Variants in POU2F2 observed in about 807,000 individuals in gnomAD.
The protein encoded by POU2F2 is POU domain, class 2, transcription factor 2.
POU2F2 carries 14 observed loss-of-function variants against 63.5 expected under a neutral mutation model. That is an observed-to-expected ratio of 0.22 (90% CI 0.15 to 0.34). The LOEUF is 0.34. POU2F2 is among the 10% of genes least tolerant of loss of function. POU2F2 has a pLI of 1.00. For synonymous variants in POU2F2, 306 were observed against 348.6 expected (o/e 0.88, Z 1.36); for missense variants, 607 against 815.2 (o/e 0.74, Z 3.11).
intron 1 of POU2F2, among the ~76,000 whole-genome samples, chr19:42,187,364 C>T (rs892431190): frequency 6.7e-6 from 1 of 149,488 alleles, no homozygotes; most frequent in Admixed American, 6.8e-5. Context: ...ACTCAGGAGG[C>T]TGAAGCCGAA....
intron 5 of POU2F2, among the ~76,000 whole-genome samples, chr19:42,112,621 C>T (rs1314628388): frequency 2.6e-5 from 4 of 152,112 alleles, no homozygotes; most frequent in Admixed American, 1.3e-4. Context: ...CCGCCCACCT[C>T]GGCCTCCCAG....
chr19:42,177,783 AAC>A (rs1293349440), upstream of POU2F2, among the ~76,000 whole-genome samples: 3 of 151,972 alleles, frequency 2.0e-5, no homozygotes, highest in Non-Finnish European at 4.4e-5. Flanking sequence ...TCCAGAGACT[AAC>A]AGAGATACTC....
chr19:42,165,401 G>A (rs934154909), intron 1 of POU2F2, among the ~76,000 whole-genome samples: 2 of 152,208 alleles, frequency 1.3e-5, no homozygotes, highest in Admixed American at 6.5e-5. Flanking sequence ...GAGGGAAAAC[G>A]AAGACCCAGA....
At chr19:42,154,345 A>G (rs2034417759) in intron 2 of POU2F2, among the ~76,000 whole-genome samples, 3 of 152,040 alleles carry the variant, frequency 2.0e-5, no homozygotes, top group Admixed American at 2.0e-4. Flanking sequence ...GAGACAGAAG[A>G]TGAAAGAGAC....
intron 1 of POU2F2, among the ~76,000 whole-genome samples, chr19:42,130,986 C>G (rs1221476715): frequency 9.1e-6 from 1 of 109,814 alleles, no homozygotes; most frequent in African/African-American, 3.7e-5. Context: ...TCTGCCTGAG[C>G]CTCCCCAACC....
At chr19:42,168,335 T>C (rs558828649) in intron 1 of POU2F2, among the ~76,000 whole-genome samples, 2 of 152,330 alleles carry the variant, frequency 1.3e-5, no homozygotes, top group South Asian at 4.1e-4. Context: ...TTTGTGGTTA[T>C]GTGGTGCGCC....
intron 1 of POU2F2, among the ~76,000 whole-genome samples, chr19:42,125,443 T>C (rs1376603646): frequency 2.0e-5 from 3 of 151,594 alleles, no homozygotes; most frequent in African/African-American, 4.9e-5. Context: ...TCAGGTCCTG[T>C]TTCCTGGCCC....
At position 42,091,120 on chromosome 19, in the gene POU2F2, G is replaced by GT. The variant is rs1192083948; in HGVS notation, c.*136dup. On this transcript the variant is annotated 3_prime_UTR_variant, in exon 15 of 15. Coordinates refer to ENST00000692977, the MANE Select transcript of POU2F2 (RefSeq NM_001394376.1). ...TTTTTTTTTTTTTTTTTGGTTGGTT[G>GT]TTTTTTTGGTCTTTCCTCCCTTGTC... is the stretch of plus-strand genomic sequence containing the variant. 13 of 370,396 alleles carry GT rather than the reference G, an allele frequency of 3.5e-5. No individual in the cohort carries two copies. Among genetic ancestry groups the GT allele is most frequent in the Admixed American group, 5.6e-5 (1 of 17,984 alleles). The allele number at this position is 370,396 out of a possible 1,614,324, so 22.9% of individuals were successfully genotyped here.
chr19:42,097,197 T>G (rs1371516383), intron 7 of POU2F2, among the ~76,000 whole-genome samples: 2 of 149,368 alleles, frequency 1.3e-5, no homozygotes, highest in Admixed American at 6.6e-5. Context: ...TTTCAGTTTT[T>G]TTTTTTTTTT....
chr19:42,195,784 T>C (rs1259980820), intron 1 of POU2F2, among the ~76,000 whole-genome samples: 2 of 131,806 alleles, frequency 1.5e-5, no homozygotes, highest in Admixed American at 1.5e-4. Context: ...CCTTCCTGTC[T>C]TTTTTTTTTT....
At chr19:42,159,510 G>A (rs1228189920) in intron 2 of POU2F2, among the ~76,000 whole-genome samples, 1 of 152,160 alleles carries the variant, frequency 6.6e-6, no homozygotes, top group Non-Finnish European at 1.5e-5. Flanking sequence ...AGGGGTGGCA[G>A]TAGAGGGCTG....
intron 1 of POU2F2, among the ~76,000 whole-genome samples, chr19:42,163,592 A>G (rs2146790289): frequency 6.6e-6 from 1 of 152,022 alleles, no homozygotes; most frequent in South Asian, 2.1e-4. Context: ...GGCTTCCTCT[A>G]CCCAGGCTTT....
At chr19:42,097,532 G>T (rs1455355177) in intron 7 of POU2F2, among the ~76,000 whole-genome samples, 2 of 150,058 alleles carry the variant, frequency 1.3e-5, no homozygotes. Context: ...AAGGACAGCC[G>T]AGTGCAATGG....
upstream of POU2F2, among the ~76,000 whole-genome samples, chr19:42,196,769 C>T (rs913851383): frequency 6.6e-6 from 1 of 152,280 alleles, no homozygotes. Context: ...CTCAGGGAGG[C>T]TCTGGAGGCG....
intron 2 of POU2F2, among the ~76,000 whole-genome samples, chr19:42,144,391 G>A (rs746587247): frequency 5.9e-5 from 9 of 152,224 alleles, no homozygotes; most frequent in South Asian, 2.1e-4. Flanking sequence ...CTCACAAGGC[G>A]GGAGAAGAAG....
At chr19:42,163,483 A>C (rs920221076) in intron 1 of POU2F2, among the ~76,000 whole-genome samples, 1 of 152,122 alleles carries the variant, frequency 6.6e-6, no homozygotes, top group Non-Finnish European at 1.5e-5. Context: ...CTGAGTGGGC[A>C]GGACATAGGC....
chr19:42,135,370 C>T (rs576098510), upstream of POU2F2, among the ~76,000 whole-genome samples: 8 of 152,244 alleles, frequency 5.3e-5, no homozygotes, highest in South Asian at 4.1e-4. Flanking sequence ...GCTTCAGCAG[C>T]GCCCAGGCCA....
At chr19:42,108,584 C>CAAAGAAAAAA (rs1885302290) in intron 5 of POU2F2, among the ~76,000 whole-genome samples, 1 of 151,124 alleles carries the variant, frequency 6.6e-6, no homozygotes, top group African/African-American at 2.4e-5. Context: ...CAAAATAAAA[C>CAAAGAAAAAA]AAAGAAAAAA....
chr19:42,157,895 A>G (rs2034486722), intron 2 of POU2F2, among the ~76,000 whole-genome samples: 1 of 152,110 alleles, frequency 6.6e-6, no homozygotes, highest in African/African-American at 2.4e-5. Context: ...ACGGGAGCAT[A>G]GGCAGCAGAG....
Sources: allele counts gnomAD v4.1 joint callset (sites outside exome capture counted in the v4.1 genomes callset), GRCh38; gene constraint gnomAD v4.1.1; transcripts MANE v1.5; gene names NCBI Gene and HGNC (gene_info 2026-07-23, HGNC 2026-07-21).